The following FGF14 variants were observed in gnomAD, a reference collection of about 807,000 sequenced individuals.
FGF14 encodes the protein fibroblast growth factor homologous factor 4.
Under a neutral mutation model 25.5 loss-of-function variants are expected in FGF14, and 5 were observed. That is an observed-to-expected ratio of 0.20 (90% CI 0.10 to 0.41). FGF14 has a LOEUF of 0.41. Among genes scored for constraint, FGF14 ranks in the 10% least tolerant of loss-of-function variants. FGF14 has a pLI of 1.00. For missense variants in FGF14, 222 were observed against 320.1 expected (o/e 0.69, Z 2.34); for synonymous variants, 138 against 118.3 (o/e 1.17, Z -1.08).
intron 1 of FGF14, among the ~76,000 whole-genome samples, chr13:101,906,012 T>C (rs1275023886): frequency 1.3e-5 from 2 of 150,866 alleles, no homozygotes; most frequent in African/African-American, 4.9e-5. Context: ...TCTGAGCAGA[T>C]GCAGTGAAGA....
At chr13:102,371,626 G>A (rs2057887922) in intron 1 of FGF14, among the ~76,000 whole-genome samples, 1 of 152,054 alleles carries the variant, frequency 6.6e-6, no homozygotes. Context: ...CATGGACAGA[G>A]ATTTGCTCTT....
chr13:102,140,769 C>T (rs937515242), intron 1 of FGF14, among the ~76,000 whole-genome samples: 1 of 152,160 alleles, frequency 6.6e-6, no homozygotes, highest in African/African-American at 2.4e-5. Context: ...AATCTATAAA[C>T]TGGGTTATGA....
At chr13:102,222,377 A>G (rs1355425968) in intron 1 of FGF14, among the ~76,000 whole-genome samples, 2 of 152,182 alleles carry the variant, frequency 1.3e-5, no homozygotes, top group Non-Finnish European at 2.9e-5. Flanking sequence ...GTCAACCATT[A>G]TTTGTTTGAC....
At chr13:101,783,643 A>G (rs556664841) in intron 3 of FGF14, among the ~76,000 whole-genome samples, 1 of 152,192 alleles carries the variant, frequency 6.6e-6, no homozygotes, top group Admixed American at 6.5e-5. Flanking sequence ...CTCTGTTAAT[A>G]GTTTCTTTTG....
At chr13:102,010,354 G>C (rs1055108151) in intron 1 of FGF14, among the ~76,000 whole-genome samples, 1 of 151,994 alleles carries the variant, frequency 6.6e-6, no homozygotes, top group Non-Finnish European at 1.5e-5. Flanking sequence ...AAGAAGCCTC[G>C]AGCACAACAT....
chr13:102,134,570 G>T (rs2046329118), intron 1 of FGF14, among the ~76,000 whole-genome samples: 1 of 152,126 alleles, frequency 6.6e-6, no homozygotes, highest in Admixed American at 6.6e-5. Flanking sequence ...AATCATTTTG[G>T]TGTAGAAATT....
chr13:102,140,045 C>CA (rs1423471289), intron 1 of FGF14, among the ~76,000 whole-genome samples: 1 of 105,156 alleles, frequency 9.5e-6, no homozygotes, highest in African/African-American at 3.6e-5. Flanking sequence ...TCTTCAAGAC[C>CA]CCCCCCCCCC....
At chr13:101,748,021 A>T (rs747876589) in intron 3 of FGF14, among the ~76,000 whole-genome samples, 12 of 151,954 alleles carry the variant, frequency 7.9e-5, no homozygotes, top group African/African-American at 9.7e-5. Context: ...GTTGGTGGGG[A>T]TTTAACTTAG....
intron 1 of FGF14, among the ~76,000 whole-genome samples, chr13:101,875,634 T>C (rs190584799): frequency 5.9e-5 from 9 of 152,274 alleles, no homozygotes; most frequent in Admixed American, 5.2e-4. Context: ...TCATTCATGA[T>C]GGCAGGACAA....
intron 1 of FGF14, among the ~76,000 whole-genome samples, chr13:101,903,429 A>C (rs1321720611): frequency 6.6e-6 from 1 of 152,210 alleles, no homozygotes; most frequent in African/African-American, 2.4e-5. Flanking sequence ...TTCGAACCCT[A>C]GAAGAAAATA....
At chr13:101,951,762 C>T (rs1229004584) in intron 1 of FGF14, among the ~76,000 whole-genome samples, 2 of 152,086 alleles carry the variant, frequency 1.3e-5, no homozygotes, top group Non-Finnish European at 2.9e-5. Context: ...ATTATGTGGC[C>T]ATGTCCTCAC....
At chr13:102,199,796 C>T (rs1216602535) in intron 1 of FGF14, among the ~76,000 whole-genome samples, 1 of 152,130 alleles carries the variant, frequency 6.6e-6, no homozygotes, top group Non-Finnish European at 1.5e-5. Context: ...CAATTTTCTT[C>T]TTTCTCAGTG....
At chr13:102,279,765 A>G (rs576628910) in intron 1 of FGF14, among the ~76,000 whole-genome samples, 3 of 152,340 alleles carry the variant, frequency 2.0e-5, no homozygotes, top group African/African-American at 7.2e-5. Context: ...CTAAAAGTCT[A>G]AGCTTTATAA....
chr13:102,067,500 C>T (rs2765635), intron 1 of FGF14, among the ~76,000 whole-genome samples: 86,493 of 151,418 alleles, frequency 0.57, 27,443 homozygotes, highest in African/African-American at 0.86. Flanking sequence ...AAAAGATCCA[C>T]TTAGTGTGAA....
intron 1 of FGF14, among the ~76,000 whole-genome samples, chr13:102,377,681 G>T (rs889623687): frequency 1.6e-4 from 24 of 152,254 alleles, no homozygotes; most frequent in Non-Finnish European, 3.1e-4. Flanking sequence ...GGTGGCACAT[G>T]TCTATAATCC....
chr13:101,891,762 C>A (rs1384549217), intron 1 of FGF14, among the ~76,000 whole-genome samples: 1 of 151,820 alleles, frequency 6.6e-6, no homozygotes, highest in African/African-American at 2.4e-5. Flanking sequence ...AGAAACTTAA[C>A]CCAATCAGAA....
chr13:102,239,656 T>C (rs1164291929), intron 1 of FGF14, among the ~76,000 whole-genome samples: 1 of 152,208 alleles, frequency 6.6e-6, no homozygotes, highest in African/African-American at 2.4e-5. Context: ...AAGTGGTCCC[T>C]TTGATTTCTG....
chr13:101,790,409 C>CT (rs3064706), intron 3 of FGF14, among the ~76,000 whole-genome samples: 38,429 of 142,804 alleles, frequency 0.27, 5,262 homozygotes, highest in East Asian at 0.4. Flanking sequence ...TATTCATTTT[C>CT]TTTTTTTTTT....
intron 1 of FGF14, among the ~76,000 whole-genome samples, chr13:101,899,206 G>GAA (rs71200760): frequency 1.2e-4 from 18 of 151,424 alleles, no homozygotes; most frequent in Admixed American, 7.9e-4. Context: ...GTAATAAAAA[G>GAA]AAAAAAAATC....
Sources: gnomAD v4.1 joint callset for allele counts (sites outside exome capture counted in the v4.1 genomes callset) on GRCh38, gnomAD v4.1.1 for gene constraint, MANE v1.5 for transcripts, NCBI Gene and HGNC (gene_info 2026-07-23, HGNC 2026-07-21) for gene names.